Variants in RUFY4 observed in about 807,000 individuals in gnomAD.
RUFY4 encodes RUN and FYVE domain containing 4.
A neutral mutation model predicts 69.0 loss-of-function variants in RUFY4; 73 were observed. The ratio of observed to expected loss-of-function variants is 1.06; its 90% CI spans 0.88 to 1.29. The LOEUF is 1.29. Ranked by LOEUF, RUFY4 falls within the 50% of genes most tolerant of loss-of-function variation. RUFY4 has a pLI of 0.00. For synonymous variants in RUFY4, 287 were observed against 271.8 expected (o/e 1.06, Z -0.55); for missense variants, 770 against 705.6 (o/e 1.09, Z -1.03).
At chr2:218,065,438 T>C (rs1559428623), upstream of RUFY4, 1 of 152,428 alleles carries the variant, frequency 6.6e-6, no homozygotes, top group African/African-American at 2.4e-5. Flanking sequence ...GCCCATGCTT[T>C]AGAGTGGAGA....
At chr2:218,080,638 A>G (rs750319616) in intron 8 of RUFY4, among the ~76,000 whole-genome samples, 1 of 152,188 alleles carries the variant, frequency 6.6e-6, no homozygotes, top group African/African-American at 2.4e-5. Flanking sequence ...AGAAATTAGG[A>G]CAAGCATCAG....
chr2:218,056,236 T>C (rs1007598487), intron 2 of RUFY4, among the ~76,000 whole-genome samples: 1 of 152,012 alleles, frequency 6.6e-6, no homozygotes, highest in East Asian at 1.9e-4. Context: ...GTTGTTTTTT[T>C]TTTTTTTTTG....
At chr2:218,066,177 C>CTTTTTTTTTTTTT (rs58665951), upstream of RUFY4, among the ~76,000 whole-genome samples, 5 of 74,454 alleles carry the variant, frequency 6.7e-5, no homozygotes, top group East Asian at 8.3e-4. Context: ...CTTTTCTTTT[C>CTTTTTTTTTTTTT]TTTTTTTTTT....
At chr2:218,068,511 C>G (rs1294416600), upstream of RUFY4, 1 of 152,946 alleles carries the variant, frequency 6.5e-6, no homozygotes, top group South Asian at 2.0e-4. Flanking sequence ...TGGGGCATCC[C>G]TTGTGCTGGT....
intron 2 of RUFY4, among the ~76,000 whole-genome samples, chr2:218,053,804 G>A (rs947014890): frequency 2.6e-5 from 4 of 152,096 alleles, no homozygotes; most frequent in Non-Finnish European, 5.9e-5. Flanking sequence ...AGCCGCACCC[G>A]GCTAATTTTT....
At chr2:218,060,021 A>T (rs1002226697) in intron 3 of RUFY4, 1 of 211,028 alleles carries the variant, frequency 4.7e-6, no homozygotes, top group African/African-American at 2.3e-5. Context: ...GACATTAACC[A>T]TCCTAATGAG....
At chr2:218,087,231 A>G (rs967539197) in intron 9 of RUFY4, among the ~76,000 whole-genome samples, 2 of 152,190 alleles carry the variant, frequency 1.3e-5, no homozygotes, top group Non-Finnish European at 2.9e-5. Flanking sequence ...TATGCTGTCC[A>G]GTATGGTAGC....
At chr2:218,065,047 G>A (rs1376284176), upstream of RUFY4, among the ~76,000 whole-genome samples, 1 of 152,184 alleles carries the variant, frequency 6.6e-6, no homozygotes, top group Non-Finnish European at 1.5e-5. Context: ...AGACACTGAG[G>A]TCAGCTCCAT....
At chr2:218,056,681 C>T (rs1026150383) in intron 2 of RUFY4, among the ~76,000 whole-genome samples, 1 of 152,190 alleles carries the variant, frequency 6.6e-6, no homozygotes, top group African/African-American at 2.4e-5. Flanking sequence ...GAGAAAGAAG[C>T]ATTCAGTGCA....
rs1191545215 is a variant in RUFY4 at position 218,070,670 on chromosome 2, A to G, written c.46+19A>G. The G allele has an allele frequency of 2.0e-6, 3 of 1,536,932 alleles. No individual in the cohort carries two copies. In the South Asian group the frequency reaches 3.6e-5, roughly 18 times the overall value. On this transcript the variant is annotated intron_variant, in intron 1 of 10. Coordinates refer to ENST00000344321, the Ensembl canonical transcript of RUFY4. ...CTAAGAGGTGAGTGTGTCCTGAGAG[A>G]TGCTCTGGGACTGAGTCATGGGAGA... is the stretch of plus-strand genomic sequence containing the variant.
At chr2:218,089,065 C>T (rs1689964440) in intron 9 of RUFY4, among the ~76,000 whole-genome samples, 187 bp from the exon 12 acceptor site, 2 of 152,070 alleles carry the variant, frequency 1.3e-5, no homozygotes, top group Admixed American at 1.3e-4. Context: ...GTTTCTGTCC[C>T]TGTCTCTGAA....
At chr2:218,059,322 T>C (rs1689130741) in intron 3 of RUFY4, 1 of 159,900 alleles carries the variant, frequency 6.3e-6, no homozygotes, top group Non-Finnish European at 1.5e-5. Flanking sequence ...TTAGTGGCAT[T>C]AAGTACTCAG....
At chr2:218,036,099 C>T (rs1161962275) in intron 2 of RUFY4, among the ~76,000 whole-genome samples, 6 of 152,230 alleles carry the variant, frequency 3.9e-5, no homozygotes, top group Non-Finnish European at 4.4e-5. Flanking sequence ...GACTTACCCT[C>T]TCTGTGCCCC....
chr2:218,089,880 T>A, intron 10 of RUFY4, 72 bp from the exon 13 acceptor site: 1 of 1,007,920 alleles, frequency 9.9e-7, no homozygotes, highest in South Asian at 1.4e-5. Flanking sequence ...TGGAACTCCA[T>A]GACCTCAGCG....
chr2:218,077,424 A>C (rs1689660401), intron 8 of RUFY4, among the ~76,000 whole-genome samples: 1 of 152,114 alleles, frequency 6.6e-6, no homozygotes, highest in African/African-American at 2.4e-5. Flanking sequence ...TACATGGTGC[A>C]GACTGGTCTC....
intron 3 of RUFY4, 136 bp from the exon 6 acceptor site, chr2:218,072,643 C>A: frequency 2.3e-6 from 3 of 1,331,926 alleles, no homozygotes; most frequent in Non-Finnish European, 3.0e-6. Context: ...CCCCTCCAGA[C>A]ACCCTTTTCC....
Position 218,077,266 on chromosome 2 carries a change from T to C in RUFY4, c.1355+733T>C, listed in dbSNP as rs550436637. ...TTCTCCTGCTCAGTGTCTCTCACCATCCAGTGTCTTCATCTTCCGTCATCA... is the reference window on the plus strand; with the variant it reads ...TTCTCCTGCTCAGTGTCTCTCACCACCCAGTGTCTTCATCTTCCGTCATCA... On this transcript the variant is annotated intron_variant, in intron 8 of 10. Transcript: ENST00000344321. Among the ~76,000 whole-genome samples, 12 of 152,252 alleles carry C rather than the reference T, an allele frequency of 7.9e-5. No individual in the cohort carries two copies. The South Asian group carries it at 2.5e-3, about 32-fold the overall frequency.
At chr2:218,086,323 A>C (rs1350269858) in intron 9 of RUFY4, among the ~76,000 whole-genome samples, 1 of 152,234 alleles carries the variant, frequency 6.6e-6, no homozygotes, top group Admixed American at 6.5e-5. Context: ...TCTGATGGAC[A>C]CAGATCTTCA....
intron 2 of RUFY4, among the ~76,000 whole-genome samples, chr2:218,043,677 A>G (rs1344486298): frequency 6.6e-6 from 1 of 152,202 alleles, no homozygotes; most frequent in Non-Finnish European, 1.5e-5. Flanking sequence ...ATCAGCAGCC[A>G]CAGGTGGGCA....
Sources: allele counts gnomAD v4.1 joint callset (sites outside exome capture counted in the v4.1 genomes callset), GRCh38; gene constraint gnomAD v4.1.1; transcripts MANE v1.5; gene names NCBI Gene and HGNC (gene_info 2026-07-23, HGNC 2026-07-21).